ADGRV1: variants seen among roughly 807,000 people sequenced by gnomAD.
ADGRV1 encodes the protein adhesion G protein-coupled receptor V1.
A neutral mutation model predicts 596.2 loss-of-function variants in ADGRV1; 359 were observed. That is an observed-to-expected ratio of 0.60 (90% CI 0.55 to 0.66). The LOEUF (loss-of-function observed/expected upper bound fraction) is 0.66, where lower values mean the gene tolerates loss of function less well. Ranked by LOEUF, ADGRV1 falls within the 30% of genes least tolerant of loss-of-function variation. The probability of loss-of-function intolerance (pLI) is 0.00; values close to 1 mark genes in which losing one functional copy is unlikely to be tolerated. For missense variants in ADGRV1, 7,274 were observed against 7,575.6 expected, an observed-to-expected ratio of 0.96 and a Z score of 1.48; for synonymous variants, 2,681 against 2,679.2, an observed-to-expected ratio of 1.00 and a Z score of -0.02.
At chr5:90,669,768 G>T (rs917334428) in intron 21 of ADGRV1, among the ~76,000 whole-genome samples, 5 of 152,166 alleles carry the variant, frequency 3.3e-5, no homozygotes, top group Non-Finnish European at 1.5e-5. Flanking sequence ...TTTCACGTGG[G>T]TACAATTTTC....
intron 87 of ADGRV1, among the ~76,000 whole-genome samples, chr5:91,143,163 A>G (rs1425182128): frequency 6.6e-6 from 1 of 152,204 alleles, no homozygotes; most frequent in Non-Finnish European, 1.5e-5. Context: ...GGACACAGTC[A>G]TGCCCAGAAG....
chr5:91,009,042 G>C (rs1194274197), intron 85 of ADGRV1, among the ~76,000 whole-genome samples: 2 of 152,138 alleles, frequency 1.3e-5, no homozygotes, highest in Non-Finnish European at 2.9e-5. Context: ...GTTATCCTCA[G>C]ATAATCTGTT....
intron 83 of ADGRV1, among the ~76,000 whole-genome samples, chr5:90,925,666 A>G (rs1774358917): frequency 6.8e-6 from 1 of 146,498 alleles, no homozygotes; most frequent in Admixed American, 6.9e-5. Context: ...TTCCAACACT[A>G]TGTTGAATAG....
At chr5:90,988,606 T>G (rs1780691716) in intron 85 of ADGRV1, among the ~76,000 whole-genome samples, 1 of 151,988 alleles carries the variant, frequency 6.6e-6, no homozygotes, top group Non-Finnish European at 1.5e-5. Flanking sequence ...TTCAAATGTC[T>G]TATAAATATC....
chr5:91,032,508 T>TA lies in ADGRV1; in HGVS notation c.18153-39939_18153-39938insA, dbSNP rs145791605. ...ATTTCACCAATATTGGCTTATATCA[T>TA]TAGTATTGTCTTCCTACTTTCTATA... is the stretch of plus-strand genomic sequence containing the variant. On this transcript the variant is annotated intron_variant, in intron 85 of 89. Transcript: ENST00000405460. 6.0e-3 allele frequency among the ~76,000 whole-genome samples: 919 copies of TA among 152,272 alleles called. 8 individuals carry two copies. The highest frequency in any genetic ancestry group is 0.021 in the African/African-American group (888 of 41,562).
intron 58 of ADGRV1, chr5:90,762,750 T>C (rs1394621691): frequency 1.3e-5 from 2 of 152,388 alleles, no homozygotes; most frequent in African/African-American, 4.8e-5. Flanking sequence ...AGGTCTGTAT[T>C]ATGTGAGGAG....
At chr5:90,682,023 C>A (rs753176278) in intron 27 of ADGRV1, among the ~76,000 whole-genome samples, 1 of 152,004 alleles carries the variant, frequency 6.6e-6, no homozygotes, top group Non-Finnish European at 1.5e-5. Context: ...TGCACCACCA[C>A]GCCCGGCTAA....
intron 78 of ADGRV1, 139 bp downstream of exon 78, chr5:90,841,124 A>G: frequency 3.3e-6 from 2 of 603,490 alleles, no homozygotes; most frequent in East Asian, 2.9e-5. Context: ...ACATAGGAAT[A>G]GAATGCATCA....
At chr5:91,153,517 A>C (rs984676627) in intron 89 of ADGRV1, 119 bp downstream of exon 89, 36 of 559,200 alleles carry the variant, frequency 6.4e-5, no homozygotes, top group Non-Finnish European at 9.5e-5. Flanking sequence ...CCTGATTCTC[A>C]TGACCCATTC....
chr5:91,062,228 A>G (rs1787499789), intron 85 of ADGRV1, among the ~76,000 whole-genome samples: 1 of 152,136 alleles, frequency 6.6e-6, no homozygotes. Context: ...GTTTGCTCCA[A>G]TATGGCCATT....
intron 83 of ADGRV1, among the ~76,000 whole-genome samples, chr5:90,865,727 C>T (rs1768027695): frequency 6.6e-6 from 1 of 151,972 alleles, no homozygotes. Flanking sequence ...TTTAACAATA[C>T]CCTCTGAGTT....
chr5:90,680,214 G>A (rs1458849901), intron 26 of ADGRV1, among the ~76,000 whole-genome samples: 1 of 152,104 alleles, frequency 6.6e-6, no homozygotes, highest in Admixed American at 6.5e-5. Context: ...GCCAAGCGTG[G>A]TGGCATGTGC....
intron 21 of ADGRV1, among the ~76,000 whole-genome samples, chr5:90,662,184 C>T (rs1988788): frequency 4.3e-5 from 6 of 140,984 alleles, no homozygotes; most frequent in East Asian, 4.2e-4. Flanking sequence ...TTTGGTTAAA[C>T]AACTTTTTTT....
chr5:90,685,825 A>C lies in ADGRV1; in HGVS notation c.6320A>C (p.Gln2107Pro), dbSNP rs181475191. The C allele has an allele frequency of 2.0e-3, 3,237 of 1,611,904 alleles. 76 individuals carry two copies. Among genetic ancestry groups the C allele is most frequent in the Non-Finnish European group, 1.7e-4 (199 of 1,178,790 alleles). The change falls in exon 29 of 90, where the codon CAA becomes CCA. Residue 2107 changes from glutamine to proline, a missense_variant. Physicochemically the swap from Gln to Pro is moderately conservative, Grantham distance 76. This residue lies in a region of ADGRV1 where 3,643 missense variants were observed against 3,809.2 expected (regional missense o/e 0.96). Coordinates refer to ENST00000405460, the MANE Select transcript of ADGRV1 (RefSeq NM_032119.4). ...GGGCCTAAGGTAGAAACTATTGCGCAACTAATTATCATTGCCAATGATGAT... is the reference window on the plus strand; with the variant it reads ...GGGCCTAAGGTAGAAACTATTGCGCCACTAATTATCATTGCCAATGATGAT... ...RLGPKVETIA[Q>P]LIIIANDDAF...
intron 1 of ADGRV1, among the ~76,000 whole-genome samples, chr5:90,574,344 G>C (rs762551521): frequency 2.0e-4 from 31 of 151,928 alleles, no homozygotes; most frequent in South Asian, 4.2e-4. Context: ...ATGTTTTGTA[G>C]TTCCCCTTAT....
intron 34 of ADGRV1, 32 bp from the exon 35 acceptor site, chr5:90,703,633 A>T (rs893393471): frequency 5.3e-6 from 8 of 1,510,366 alleles, no homozygotes; most frequent in Non-Finnish European, 6.3e-6. Flanking sequence ...TTTTCCATTA[A>T]GTATTTATCA....
chr5:90,878,352 G>A (rs1042182914), intron 83 of ADGRV1, among the ~76,000 whole-genome samples: 2 of 152,192 alleles, frequency 1.3e-5, no homozygotes, highest in Non-Finnish European at 2.9e-5. Context: ...ATCCTTGGAG[G>A]CCTCTCTTCC....
At chr5:90,757,666 GA>G (rs1242062367) in intron 57 of ADGRV1, among the ~76,000 whole-genome samples, 1 of 151,986 alleles carries the variant, frequency 6.6e-6, no homozygotes. Flanking sequence ...TTGAAAAATT[GA>G]AAAACAATAT....
At chr5:90,563,592 A>G (rs1215118198) in intron 1 of ADGRV1, among the ~76,000 whole-genome samples, 1 of 152,226 alleles carries the variant, frequency 6.6e-6, no homozygotes, top group African/African-American at 2.4e-5. Flanking sequence ...ATGGTTTCTC[A>G]TGCAGTATGC....
Sources: gnomAD v4.1 joint callset for allele counts (sites outside exome capture counted in the v4.1 genomes callset) on GRCh38, gnomAD v4.1.1 for gene constraint, gnomAD v4.1.1 regional missense constraint, MANE v1.5 for transcripts, NCBI Gene and HGNC (gene_info 2026-07-23, HGNC 2026-07-21) for gene names.